The following FIG4 variants were observed in gnomAD, a reference collection of about 807,000 sequenced individuals.
FIG4 encodes FIG4 phosphoinositide 5-phosphatase, also known as polyphosphoinositide phosphatase.
Under a neutral mutation model 118.6 loss-of-function variants are expected in FIG4, and 112 were observed. The ratio of observed to expected loss-of-function variants is 0.94; its 90% CI spans 0.81 to 1.11. The LOEUF is 1.11. Ranked by LOEUF, FIG4 falls within the 50% of genes least tolerant of loss-of-function variation. The probability of loss-of-function intolerance (pLI) is 0.00; values close to 1 mark genes in which losing one functional copy is unlikely to be tolerated. For synonymous variants in FIG4, 369 were observed against 381.2 expected, an observed-to-expected ratio of 0.97 and a Z score of 0.37; for missense variants, 969 against 1,111.7, an observed-to-expected ratio of 0.87 and a Z score of 1.83.
At chr6:109,791,651 C>A in intron 20 of FIG4, 80 bp downstream of exon 20, 3 of 1,273,570 alleles carry the variant, frequency 2.4e-6, no homozygotes, top group African/African-American at 1.5e-5. Flanking sequence ...AGTTAAAAGG[C>A]TGAGAGCAAG....
chr6:109,716,457 CA>C lies in FIG4; in HGVS notation c.180del (p.Gln60HisfsTer4). On this transcript the variant is annotated frameshift_variant, in exon 3 of 23. Coordinates refer to ENST00000230124, the MANE Select transcript of FIG4 (RefSeq NM_014845.6). LOFTEE classifies it high-confidence loss of function. ...VIIDDRHVYT[Q>X]QEVRELLGRL... ...TGCTTATTCTTAGCATGTCTATACTCAACAAGAAGTAAGGGAACTTCTTGGC... is the reference window on the plus strand; with the variant it reads ...TGCTTATTCTTAGCATGTCTATACTCACAAGAAGTAAGGGAACTTCTTGGC... 6.2e-7 allele frequency: 1 copy of C among 1,613,624 alleles called. No individual in the cohort carries two copies.
At chr6:109,753,013 G>C (rs909145311) in intron 10 of FIG4, among the ~76,000 whole-genome samples, 1 of 152,182 alleles carries the variant, frequency 6.6e-6, no homozygotes, top group East Asian at 1.9e-4. Flanking sequence ...ATTAATTTTT[G>C]TATAAGGTGT....
intron 1 of FIG4, among the ~76,000 whole-genome samples, chr6:109,693,141 T>C (rs1774594007): frequency 1.8e-5 from 1 of 56,390 alleles, no homozygotes; most frequent in Admixed American, 1.6e-4. Flanking sequence ...CTGAATCCCT[T>C]AGTTGGCATT....
chr6:109,815,360 C>T (rs1448408648), intron 22 of FIG4, among the ~76,000 whole-genome samples: 2 of 151,840 alleles, frequency 1.3e-5, no homozygotes, highest in Non-Finnish European at 2.9e-5. Context: ...CCTGCTTGGG[C>T]TCTGACATAC....
At chr6:109,696,606 T>C (rs1774729320) in intron 1 of FIG4, among the ~76,000 whole-genome samples, 2 of 152,204 alleles carry the variant, frequency 1.3e-5, no homozygotes, top group African/African-American at 2.4e-5. Flanking sequence ...TGGATGAGTC[T>C]AGAGGACATT....
At chr6:109,818,447 G>A (rs933615626) in intron 22 of FIG4, among the ~76,000 whole-genome samples, 1 of 152,096 alleles carries the variant, frequency 6.6e-6, no homozygotes, top group African/African-American at 2.4e-5. Context: ...TGATCTGCCT[G>A]CCTCGGTCTC....
At chr6:109,763,699 A>G (rs775725758) in intron 12 of FIG4, among the ~76,000 whole-genome samples, 4 of 152,216 alleles carry the variant, frequency 2.6e-5, no homozygotes, top group Non-Finnish European at 4.4e-5. Flanking sequence ...GTGGACACTC[A>G]GGCAAATTAA....
chr6:109,697,783 T>A (rs1774775133), intron 1 of FIG4, among the ~76,000 whole-genome samples: 1 of 152,356 alleles, frequency 6.6e-6, no homozygotes, highest in South Asian at 2.1e-4. Flanking sequence ...TTGTCCCATA[T>A]CATTTGTAAA....
chr6:109,815,860 T>TA (rs1235494027), intron 22 of FIG4, among the ~76,000 whole-genome samples: 1 of 151,708 alleles, frequency 6.6e-6, no homozygotes, highest in African/African-American at 2.4e-5. Flanking sequence ...ATGTTTAGAT[T>TA]ATGGGGGGGG....
At chr6:109,758,147 C>A (rs1258555568) in intron 10 of FIG4, among the ~76,000 whole-genome samples, 1 of 152,106 alleles carries the variant, frequency 6.6e-6, no homozygotes, top group East Asian at 1.9e-4. Flanking sequence ...CCCGTATAGC[C>A]AAGACAATCC....
chr6:109,822,752 A>G (rs1779038220), intron 22 of FIG4, among the ~76,000 whole-genome samples: 1 of 143,680 alleles, frequency 7.0e-6, no homozygotes, highest in African/African-American at 2.6e-5. Context: ...CTTGGTGGGG[A>G]TGGTTGAAGT....
intron 2 of FIG4, among the ~76,000 whole-genome samples, chr6:109,715,959 C>A (rs1775416496): frequency 6.6e-6 from 1 of 152,076 alleles, no homozygotes; most frequent in Non-Finnish European, 1.5e-5. Flanking sequence ...TTACGATTTC[C>A]CATGCTACTC....
At chr6:109,779,105 A>G (rs975033582) in intron 16 of FIG4, among the ~76,000 whole-genome samples, 1 of 152,208 alleles carries the variant, frequency 6.6e-6, no homozygotes, top group Admixed American at 6.5e-5. Context: ...ATTTACATGA[A>G]TTTTTGCTGA....
intron 22 of FIG4, among the ~76,000 whole-genome samples, chr6:109,802,423 A>G (rs1778450295): frequency 6.6e-6 from 1 of 152,228 alleles, no homozygotes; most frequent in Non-Finnish European, 1.5e-5. Context: ...AAATTAATTT[A>G]GTAGGCCTAT....
chr6:109,704,275 C>G (rs1231361112), intron 1 of FIG4, among the ~76,000 whole-genome samples: 1 of 152,154 alleles, frequency 6.6e-6, no homozygotes, highest in Admixed American at 6.5e-5. Flanking sequence ...GGCATCGAGC[C>G]TAGTGCCTGA....
Position 109,762,073 on chromosome 6 carries a change from T to A in FIG4, c.1272-18T>A. 1.4e-6 allele frequency: 2 copies of A among 1,480,752 alleles called. No individual in the cohort carries two copies. Among genetic ancestry groups the A allele is most frequent in the Non-Finnish European group, 1.9e-6 (2 of 1,058,492 alleles). 91.7% of individuals were successfully genotyped at this position (1,480,752 alleles called of 1,614,324 possible). On this transcript the variant is annotated intron_variant, in intron 11 of 22. Coordinates refer to ENST00000230124, the MANE Select transcript of FIG4 (RefSeq NM_014845.6). ...AAACTTGGCTTCTCACTTTTCTCAT[T>A]CTTCCTTCTCTCCTCAGCAAGCTGT...
Position 109,727,131 on chromosome 6 carries a change from C to CTAT in FIG4, c.316_318dup (p.Tyr106dup), listed in dbSNP as rs747951539. 4 of 1,610,902 alleles carry CTAT rather than the reference C, an allele frequency of 2.5e-6. No individual in the cohort carries two copies. In the South Asian group the frequency reaches 4.4e-5, roughly 18 times the overall value. Reference sequence around the variant, plus strand: ...TAGGTTTTGTCAGGTTCTTAGAAGGCTATTATATTGTGTTAATAACTAAAA... The same window carrying CTAT: ...TAGGTTTTGTCAGGTTCTTAGAAGGCTATTATTATATTGTGTTAATAACTAAAA... On this transcript the variant is annotated inframe_insertion, in exon 4 of 23. Coordinates refer to ENST00000230124, the MANE Select transcript of FIG4 (RefSeq NM_014845.6).
chr6:109,759,874 C>A (rs141585398), intron 10 of FIG4, among the ~76,000 whole-genome samples: 1 of 152,340 alleles, frequency 6.6e-6, no homozygotes, highest in Non-Finnish European at 1.5e-5. Flanking sequence ...TGATTTCTTT[C>A]TGGCCTCCAG....
intron 16 of FIG4, among the ~76,000 whole-genome samples, chr6:109,783,594 T>C (rs1206490499): frequency 6.6e-6 from 1 of 152,244 alleles, no homozygotes; most frequent in Non-Finnish European, 1.5e-5. Context: ...TAGAGCAGTG[T>C]CTGACACATA....
Sources: allele counts gnomAD v4.1 joint callset (sites outside exome capture counted in the v4.1 genomes callset), GRCh38; gene constraint gnomAD v4.1.1; transcripts MANE v1.5; gene names NCBI Gene and HGNC (gene_info 2026-07-23, HGNC 2026-07-21).